The following SERPINB12 variants were observed in gnomAD, a reference collection of about 807,000 sequenced individuals.
SERPINB12 encodes the protein serpin B12.
A neutral mutation model predicts 41.1 loss-of-function variants in SERPINB12; 57 were observed. That is an observed-to-expected ratio of 1.39 (90% CI 1.12 to 1.73). The LOEUF (loss-of-function observed/expected upper bound fraction) is 1.73, where lower values mean the gene tolerates loss of function less well. Among genes scored for constraint, SERPINB12 ranks in the 40% most tolerant of loss-of-function variants. The probability of loss-of-function intolerance (pLI) is 0.00; values close to 1 mark genes in which losing one functional copy is unlikely to be tolerated. For synonymous variants in SERPINB12, 180 were observed against 181.3 expected (o/e 0.99, Z 0.06); for missense variants, 536 against 501.9 (o/e 1.07, Z -0.65).
chr18:63,549,393 A>G (rs564156754), intron 1 of SERPINB12, among the ~76,000 whole-genome samples: 29 of 152,272 alleles, frequency 1.9e-4, no homozygotes, highest in African/African-American at 6.5e-4. Context: ...AGGCAAAAAT[A>G]TGATAGTATT....
chr18:63,542,158 C>T (rs1320124332), upstream of SERPINB12, among the ~76,000 whole-genome samples: 2 of 152,182 alleles, frequency 1.3e-5, no homozygotes, highest in African/African-American at 4.8e-5. Context: ...GCTCTAACCC[C>T]TAACCTGTGT....
In SERPINB12 at chr18:63,567,443, C is replaced by T. The variant is rs1313202648; in HGVS notation, c.*432C>T. Among the ~76,000 whole-genome samples, 3 of 152,150 alleles carry T rather than the reference C, an allele frequency of 2.0e-5. No individual in the cohort carries two copies. The highest frequency in any genetic ancestry group is 1.3e-4 in the Admixed American group (2 of 15,278). On this transcript the variant is annotated 3_prime_UTR_variant, in exon 8 of 8. Coordinates refer to ENST00000382768, the MANE Select transcript of SERPINB12 (RefSeq NM_001307928.2). ...TGTTTCTGGGGTAGTTTGACCGGAACGTGTTTGGAAACTCAGCTCTGTTTC... is the reference window on the plus strand; with the variant it reads ...TGTTTCTGGGGTAGTTTGACCGGAATGTGTTTGGAAACTCAGCTCTGTTTC...
At chr18:63,525,460 T>G in the SERPINB12 span, among the ~76,000 whole-genome samples, 145 of 152,258 alleles carry the variant, frequency 9.5e-4, no homozygotes, top group African/African-American at 3.3e-3. Flanking sequence ...CATACAACAA[T>G]TTTTAATAGT....
In SERPINB12 at chr18:63,567,555, T is replaced by C. The variant is rs1184115429; in HGVS notation, c.*544T>C. The stretch of plus-strand genomic sequence containing the variant: ...ACTGCATGGAAGATGTCCTGTGAGG[T>C]CTTTTCACCTAGGACAAGGCAGGGC... On this transcript the variant is annotated 3_prime_UTR_variant, in exon 8 of 8. Transcript: ENST00000382768. 6.6e-6 allele frequency among the ~76,000 whole-genome samples: 1 copy of C among 152,156 alleles called. No individual in the cohort carries two copies. Among genetic ancestry groups the C allele is most frequent in the Non-Finnish European group, 1.5e-5 (1 of 68,022 alleles).
chr18:63,559,472 A>T, intron 3 of SERPINB12, 106 bp from the exon 4 acceptor site: 1 of 1,135,234 alleles, frequency 8.8e-7, no homozygotes. Flanking sequence ...CTGACATCTT[A>T]CTAAGAAGCT....
intron 3 of SERPINB12, among the ~76,000 whole-genome samples, chr18:63,558,774 G>C (rs565506013): frequency 3.9e-5 from 6 of 152,302 alleles, no homozygotes; most frequent in African/African-American, 1.2e-4. Context: ...CCAACACAGA[G>C]TATGGTCAAA....
At chr18:63,537,976 A>G (rs144783225), upstream of SERPINB12, among the ~76,000 whole-genome samples, 24 of 152,270 alleles carry the variant, frequency 1.6e-4, no homozygotes, top group Non-Finnish European at 2.9e-4. Flanking sequence ...ATTCCACCAG[A>G]TGCAAATTTC....
At position 63,566,717 on chromosome 18, in the gene SERPINB12, T is replaced by A; in HGVS notation, c.984T>A (p.Tyr328Ter). The change falls in exon 8 of 8, where the codon TAT becomes TAA. Residue 328 changes from tyrosine to a stop codon, truncating the protein, a stop_gained. Coordinates refer to ENST00000382768, the MANE Select transcript of SERPINB12 (RefSeq NM_001307928.2). LOFTEE classifies it high-confidence loss of function. ...CCCGGTTCACCCTGGAAGACAGCTA[T>A]GATCTCAATTCCATTTTACAAGACA... The part of the protein sequence containing the change: ...SFPRFTLEDS[Y>*]DLNSILQDMG... 6.2e-7 allele frequency: 1 copy of A among 1,614,198 alleles called. No homozygotes were observed. Among genetic ancestry groups the A allele is most frequent in the South Asian group, 1.1e-5 (1 of 91,070 alleles).
At chr18:63,543,598 AT>A (rs1048622227) in intron 1 of SERPINB12, among the ~76,000 whole-genome samples, 52 of 74,176 alleles carry the variant, frequency 7.0e-4, no homozygotes, top group African/African-American at 1.9e-3. Context: ...ATTTTTATTT[AT>A]TTTTTTTTTT....
At chr18:63,559,034 C>CTTTATTTCTTTA (rs1343412708) in intron 3 of SERPINB12, among the ~76,000 whole-genome samples, 1 of 72,846 alleles carries the variant, frequency 1.4e-5, no homozygotes, top group South Asian at 4.8e-4. Flanking sequence ...TTCTTTCTTT[C>CTTTATTTCTTTA]TTTCTTTCTT....
chr18:63,566,134 G>T (rs1230641327), intron 7 of SERPINB12, among the ~76,000 whole-genome samples: 2 of 152,170 alleles, frequency 1.3e-5, no homozygotes, highest in African/African-American at 4.8e-5. Context: ...GAAGGAGAGA[G>T]AAAGTGAGAA....
At chr18:63,536,342 G>A in the SERPINB12 span, among the ~76,000 whole-genome samples, 12 of 151,846 alleles carry the variant, frequency 7.9e-5, no homozygotes, top group Admixed American at 3.9e-4. Flanking sequence ...GAGGATGTAC[G>A]AATCAATAAG....
intron 5 of SERPINB12, among the ~76,000 whole-genome samples, 166 bp downstream of exon 5, chr18:63,561,368 A>C (rs1259559682): frequency 6.6e-6 from 1 of 152,242 alleles, no homozygotes; most frequent in African/African-American, 2.4e-5. Flanking sequence ...CACCAGTCAG[A>C]ATGACTATTA....
chr18:63,525,715 C>G, the SERPINB12 span, among the ~76,000 whole-genome samples: 7 of 151,952 alleles, frequency 4.6e-5, no homozygotes, highest in East Asian at 1.9e-4. Flanking sequence ...ACAATTATAC[C>G]TAGATTACTT....
chr18:63,568,350 C>T lies in SERPINB12; in HGVS notation c.*1339C>T, dbSNP rs1414237554. ...AAGCTGAGATGGCGCCACTGCACTCCAGCCTGGGTGACAGAGCGAAACCCT... is the reference window on the plus strand; with the variant it reads ...AAGCTGAGATGGCGCCACTGCACTCTAGCCTGGGTGACAGAGCGAAACCCT... On this transcript the variant is annotated 3_prime_UTR_variant, in exon 8 of 8. Coordinates refer to ENST00000382768, the MANE Select transcript of SERPINB12 (RefSeq NM_001307928.2). Among the ~76,000 whole-genome samples the T allele has an allele frequency of 2.0e-5, 3 of 152,126 alleles. No individual in the cohort carries two copies. Among genetic ancestry groups the T allele is most frequent in the Non-Finnish European group, 4.4e-5 (3 of 68,026 alleles).
chr18:63,527,107 A>C, the SERPINB12 span, among the ~76,000 whole-genome samples: 3 of 152,332 alleles, frequency 2.0e-5, no homozygotes, highest in Non-Finnish European at 4.4e-5. Flanking sequence ...ATATGACTAT[A>C]GTTAGAATTG....
chr18:63,526,525 A>G, the SERPINB12 span, among the ~76,000 whole-genome samples: 17 of 152,342 alleles, frequency 1.1e-4, no homozygotes, highest in Admixed American at 1.0e-3. Flanking sequence ...ATATAGTAAA[A>G]TAAAATCATG....
intron 5 of SERPINB12, among the ~76,000 whole-genome samples, chr18:63,563,622 C>T (rs1294217988): frequency 1.3e-5 from 2 of 152,134 alleles, no homozygotes; most frequent in Non-Finnish European, 1.5e-5. Flanking sequence ...ATTGGCCAGG[C>T]ACGGTGGCTC....
chr18:63,559,039 T>TTTCTTTC (rs1555675628), intron 3 of SERPINB12, among the ~76,000 whole-genome samples: 12 of 34,770 alleles, frequency 3.5e-4, no homozygotes, highest in African/African-American at 8.2e-4. Flanking sequence ...TCTTTCTTTC[T>TTTCTTTC]TTCTTTCTTT....
Sources: gnomAD v4.1 joint callset for allele counts (sites outside exome capture counted in the v4.1 genomes callset) on GRCh38, gnomAD v4.1.1 for gene constraint, MANE v1.5 for transcripts, NCBI Gene and HGNC (gene_info 2026-07-23, HGNC 2026-07-21) for gene names.